ZFHX3: variants seen among roughly 807,000 people sequenced by gnomAD.
The protein encoded by ZFHX3 is zinc finger homeobox 3.
In ZFHX3, 42 loss-of-function variants were observed where a neutral mutation model predicts 279.1. That is an observed-to-expected ratio of 0.15 (90% CI 0.12 to 0.19). The LOEUF (loss-of-function observed/expected upper bound fraction) is 0.19. Among genes scored for constraint, ZFHX3 ranks in the 10% least tolerant of loss-of-function variants. The pLI is 1.00. For missense variants in ZFHX3, 4,981 were observed against 4,754.0 expected (o/e 1.05, Z -1.40); for synonymous variants, 2,293 against 1,957.8 (o/e 1.17, Z -4.52).
chr16:73,334,302 A>AT (rs2015865317), intron 3 of ZFHX3, among the ~76,000 whole-genome samples: 1 of 152,094 alleles, frequency 6.6e-6, no homozygotes, highest in South Asian at 2.1e-4. Flanking sequence ...TGGGAGGGCC[A>AT]TTTTCACGGA....
chr16:73,459,579 G>A (rs781731681), intron 2 of ZFHX3, among the ~76,000 whole-genome samples: 7 of 152,140 alleles, frequency 4.6e-5, no homozygotes, highest in Non-Finnish European at 5.9e-5. Flanking sequence ...TGTTGGCCAG[G>A]CTGGTCTCGA....
At chr16:73,372,155 T>G (rs185428154) in intron 3 of ZFHX3, among the ~76,000 whole-genome samples, 3 of 152,346 alleles carry the variant, frequency 2.0e-5, no homozygotes, top group Non-Finnish European at 1.5e-5. Flanking sequence ...GAGAAATGAC[T>G]TCTAAATCCT....
intron 2 of ZFHX3, among the ~76,000 whole-genome samples, chr16:73,640,089 G>C (rs1334631374): frequency 6.6e-6 from 1 of 152,280 alleles, no homozygotes; most frequent in Middle Eastern, 3.4e-3. Context: ...AAGACAGAAG[G>C]CTTATTTTAG....
chr16:72,976,544 G>A (rs1455987627), intron 1 of ZFHX3, among the ~76,000 whole-genome samples: 2 of 152,134 alleles, frequency 1.3e-5, no homozygotes, highest in Non-Finnish European at 2.9e-5. Context: ...AGACTCCTAC[G>A]AGCTTGCTCT....
At chr16:73,835,847 C>CTGAAA (rs1961132939) in intron 1 of ZFHX3, among the ~76,000 whole-genome samples, 1 of 152,098 alleles carries the variant, frequency 6.6e-6, no homozygotes, top group Non-Finnish European at 1.5e-5. Context: ...TTGAAGTAGT[C>CTGAAA]AAGGGTGTTT....
chr16:73,601,299 C>CAAA lies in ZFHX3; in HGVS notation c.-1547+78878_-1547+78880dup, dbSNP rs1217744713. ...AACCCCGTCTCTACTACTAAAAATA[C>CAAA]AAAAAAAAAAAAAAAAAAAAATTAG... On this transcript the variant is annotated intron_variant, in intron 2 of 17. Transcript: ENST00000641206. Among the ~76,000 whole-genome samples, 51 of 60,468 alleles carry CAAA rather than the reference C, an allele frequency of 8.4e-4. 1 individual carries two copies. The highest frequency in any genetic ancestry group is 2.1e-3 in the African/African-American group (39 of 18,808). 39.7% of individuals were successfully genotyped at this position (60,468 alleles called of 152,430 possible).
At chr16:73,839,822 C>T (rs1339599339) in intron 1 of ZFHX3, among the ~76,000 whole-genome samples, 1 of 152,216 alleles carries the variant, frequency 6.6e-6, no homozygotes, top group Non-Finnish European at 1.5e-5. Flanking sequence ...CTCCACCCAT[C>T]CCCATCACCC....
At chr16:73,747,940 T>C (rs906875878) in intron 1 of ZFHX3, among the ~76,000 whole-genome samples, 13 of 152,192 alleles carry the variant, frequency 8.5e-5, no homozygotes, top group Admixed American at 2.0e-4. Flanking sequence ...CCCTCGCACA[T>C]AAACTGTCAA....
intron 5 of ZFHX3, among the ~76,000 whole-genome samples, chr16:73,171,275 C>T (rs1293186738): frequency 6.6e-6 from 1 of 152,038 alleles, no homozygotes; most frequent in African/African-American, 2.4e-5. Flanking sequence ...AATAATTACT[C>T]TGGGATAATA....
chr16:72,951,300 G>A (rs1960987410), intron 2 of ZFHX3, among the ~76,000 whole-genome samples: 2 of 150,044 alleles, frequency 1.3e-5, no homozygotes, highest in South Asian at 2.1e-4. Context: ...TTGCCCTGTT[G>A]CCCAGGCTAG....
At chr16:72,997,584 A>G (rs1048088927) in intron 1 of ZFHX3, among the ~76,000 whole-genome samples, 2 of 152,186 alleles carry the variant, frequency 1.3e-5, no homozygotes, top group Non-Finnish European at 2.9e-5. Flanking sequence ...TAATCTGAAA[A>G]GCAAATACAG....
At chr16:73,589,609 AGT>A (rs2051970324) in intron 2 of ZFHX3, among the ~76,000 whole-genome samples, 1 of 151,484 alleles carries the variant, frequency 6.6e-6, no homozygotes, top group Non-Finnish European at 1.5e-5. Flanking sequence ...GGGTGCCTGT[AGT>A]CCCAGCTACT....
At position 72,797,810 on chromosome 16, in the gene ZFHX3, G is replaced by A; in HGVS notation, c.4872C>T (p.Ala1624=). The A allele has an allele frequency of 6.2e-7, 1 of 1,614,096 alleles. No individual in the cohort carries two copies. The highest frequency in any genetic ancestry group is 8.5e-7 in the Non-Finnish European group (1 of 1,180,032). Residue 1624 remains alanine (A), a synonymous_variant, in exon 9 of 10, where the codon GCC becomes GCT. Transcript: ENST00000268489. ...TTGCAGCCTCCAGCTTGGCTGCCCG[G>A]GCCTTGGTTTGATGTAACACAGACC... ...HMRSVLHQTK[A]RAAKLEAASG... is the part of the protein sequence containing the mutation.
At chr16:73,786,510 T>C (rs1017473340) in intron 1 of ZFHX3, among the ~76,000 whole-genome samples, 1 of 152,302 alleles carries the variant, frequency 6.6e-6, no homozygotes, top group African/African-American at 2.4e-5. Flanking sequence ...ACATCTTTTA[T>C]CTTGGGCTGG....
chr16:72,892,097 C>A (rs1302263939), intron 3 of ZFHX3, among the ~76,000 whole-genome samples: 1 of 152,226 alleles, frequency 6.6e-6, no homozygotes, highest in African/African-American at 2.4e-5. Context: ...CTGACATGCA[C>A]ACGTCCTGTG....
chr16:73,716,183 T>G (rs1047510328), intron 1 of ZFHX3, among the ~76,000 whole-genome samples: 18 of 151,732 alleles, frequency 1.2e-4, no homozygotes, highest in African/African-American at 4.1e-4. Flanking sequence ...TTTTGCAGTT[T>G]AGGGGAGGGA....
intron 2 of ZFHX3, among the ~76,000 whole-genome samples, chr16:73,630,306 T>C (rs2052456072): frequency 6.6e-6 from 1 of 152,228 alleles, no homozygotes; most frequent in South Asian, 2.1e-4. Context: ...ATTTGATCAT[T>C]TGGAGAGGGT....
chr16:73,624,115 A>G (rs2052393751), intron 2 of ZFHX3, among the ~76,000 whole-genome samples: 2 of 152,296 alleles, frequency 1.3e-5, no homozygotes, highest in South Asian at 4.1e-4. Flanking sequence ...ATATCCTAGG[A>G]TGGCTCACTT....
At chr16:72,977,775 A>G (rs1281906181) in intron 1 of ZFHX3, among the ~76,000 whole-genome samples, 1 of 152,102 alleles carries the variant, frequency 6.6e-6, no homozygotes, top group Non-Finnish European at 1.5e-5. Flanking sequence ...ACAATTTCAA[A>G]CCATGCACCC....
Sources: gnomAD v4.1 joint callset for allele counts (sites outside exome capture counted in the v4.1 genomes callset) on GRCh38, gnomAD v4.1.1 for gene constraint, MANE v1.5 for transcripts, NCBI Gene and HGNC (gene_info 2026-07-23, HGNC 2026-07-21) for gene names.